RPH3AL: variants seen among roughly 807,000 people sequenced by gnomAD.
The protein encoded by RPH3AL is rabphilin 3A like (without C2 domains).
RPH3AL carries 38 observed loss-of-function variants against 43.1 expected under a neutral mutation model. The observed-to-expected ratio is 0.88, with a 90% confidence interval of 0.68 to 1.15. The LOEUF (loss-of-function observed/expected upper bound fraction) is 1.15. Among genes scored for constraint, RPH3AL ranks in the 50% most tolerant of loss-of-function variants. RPH3AL has a pLI of 0.00. For synonymous variants in RPH3AL, 189 were observed against 176.3 expected (o/e 1.07, Z -0.57); for missense variants, 462 against 423.2 (o/e 1.09, Z -0.81).
intron 6 of RPH3AL, among the ~76,000 whole-genome samples, chr17:271,219 A>G (rs1023214771): frequency 1.3e-5 from 2 of 152,212 alleles, no homozygotes; most frequent in African/African-American, 2.4e-5. Context: ...TGATGCCTCC[A>G]GCTTTGTTCT....
At chr17:247,025 G>A in intron 7 of RPH3AL, 86 bp downstream of exon 7, 4 of 1,429,832 alleles carry the variant, frequency 2.8e-6, no homozygotes, top group Non-Finnish European at 2.9e-6. Context: ...GGGTGCGGGG[G>A]ACTGGCCTTG....
At chr17:257,612 T>G (rs538728231) in intron 6 of RPH3AL, among the ~76,000 whole-genome samples, 2 of 39,010 alleles carry the variant, frequency 5.1e-5, no homozygotes, top group South Asian at 1.6e-3. Flanking sequence ...CGTCTGTCCT[T>G]TTCCATCCCT....
rs201388907 is a variant in RPH3AL at position 247,200 on chromosome 17, G to A, written c.524C>T (p.Pro175Leu). Residue 175 changes from proline to leucine, a missense_variant, in exon 7 of 10, where the codon CCC (proline) becomes CTC (leucine). Physicochemically the swap from Pro to Leu is moderately conservative, Grantham distance 98. Coordinates refer to ENST00000331302, the MANE Select transcript of RPH3AL (RefSeq NM_006987.4). ...TTCCGTGGGCAAAGGTCGGAAGTGG[G>A]GGTCATCAGCTCGGCCAGGGGTCTT... ...PLKTPGRADD[P>L]HFRPLPTEPA... The A allele has an allele frequency of 3.8e-4, 608 of 1,614,066 alleles. 2 individuals carry two copies. Among genetic ancestry groups the A allele is most frequent in the Non-Finnish European group, 4.5e-4 (532 of 1,179,970 alleles).
At chr17:304,783 C>T (rs145598277) in intron 5 of RPH3AL, among the ~76,000 whole-genome samples, 1,638 of 151,930 alleles carry the variant, frequency 0.011, 20 homozygotes, top group Non-Finnish European at 0.018. Flanking sequence ...CCCTGCCCCA[C>T]GGAGCCATTT....
chr17:282,795 G>A (rs150956508), intron 5 of RPH3AL, among the ~76,000 whole-genome samples: 39 of 152,322 alleles, frequency 2.6e-4, no homozygotes, highest in African/African-American at 8.9e-4. Context: ...AAACCTGAAC[G>A]ACATGTTACT....
chr17:233,930 CCTG>C (rs2041295022), intron 7 of RPH3AL, among the ~76,000 whole-genome samples: 1 of 115,372 alleles, frequency 8.7e-6, no homozygotes, highest in Non-Finnish European at 1.9e-5. Context: ...GACCAACTTC[CCTG>C]AGCAGGGAGC....
At chr17:239,880 T>G (rs1456603794) in intron 7 of RPH3AL, among the ~76,000 whole-genome samples, 2 of 152,218 alleles carry the variant, frequency 1.3e-5, no homozygotes, top group Non-Finnish European at 2.9e-5. Context: ...CCTCCTGACT[T>G]GGCCTCCCAA....
At chr17:307,266 CA>C (rs1448167763) in intron 5 of RPH3AL, among the ~76,000 whole-genome samples, 34 of 108,534 alleles carry the variant, frequency 3.1e-4, no homozygotes, top group African/African-American at 1.3e-3. Context: ...AGGTCCATCC[CA>C]CGGCAGGTCC....
chr17:293,892 G>A (rs922967321), intron 5 of RPH3AL, among the ~76,000 whole-genome samples: 2 of 152,072 alleles, frequency 1.3e-5, no homozygotes, highest in Non-Finnish European at 2.9e-5. Flanking sequence ...AGCCGGGCGC[G>A]GTGGTACTCA....
chr17:270,995 G>C (rs1301598013), intron 6 of RPH3AL, among the ~76,000 whole-genome samples: 2 of 152,130 alleles, frequency 1.3e-5, no homozygotes, highest in Non-Finnish European at 2.9e-5. Flanking sequence ...TCCACGTATG[G>C]CTAGCCAGTT....
chr17:270,860 T>G (rs1250160114), intron 6 of RPH3AL, among the ~76,000 whole-genome samples: 1 of 152,210 alleles, frequency 6.6e-6, no homozygotes, highest in South Asian at 2.1e-4. Context: ...CATGCCTATG[T>G]CCTGAATGGT....
chr17:284,660 C>T (rs1251805448), intron 5 of RPH3AL, among the ~76,000 whole-genome samples: 2 of 152,112 alleles, frequency 1.3e-5, no homozygotes, highest in African/African-American at 4.8e-5. Flanking sequence ...CCCACAGGTG[C>T]CCTCGCAGCC....
intron 1 of RPH3AL, chr17:349,305 CT>C (rs2045309205): frequency 6.6e-6 from 1 of 152,154 alleles, no homozygotes; most frequent in Non-Finnish European, 1.5e-5. Flanking sequence ...CTGGCACCAA[CT>C]TGGGCAGAGC....
At chr17:312,798 G>A (rs1022555746) in intron 5 of RPH3AL, among the ~76,000 whole-genome samples, 2 of 152,168 alleles carry the variant, frequency 1.3e-5, no homozygotes, top group South Asian at 2.1e-4. Context: ...ACGAGACCGC[G>A]CCACCGTGGC....
chr17:233,133 T>C (rs1466269575), intron 7 of RPH3AL, among the ~76,000 whole-genome samples: 1 of 151,198 alleles, frequency 6.6e-6, no homozygotes, highest in Non-Finnish European at 1.5e-5. Context: ...CATGTGCCTG[T>C]CTGTGTGGCA....
intron 6 of RPH3AL, among the ~76,000 whole-genome samples, chr17:265,070 G>A (rs534098379): frequency 1.3e-5 from 2 of 152,318 alleles, no homozygotes; most frequent in South Asian, 2.1e-4. Flanking sequence ...CATACTTTAT[G>A]AGAAGAGGGA....
rs559421179 is a variant in RPH3AL at position 290,637 on chromosome 17, C to G, written c.352-8783G>C. ...CAATGCGACAGAAGGTTCTGCTGGG[C>G]CACTCCAAAGTTCAGGTACTTCATG... is the stretch of plus-strand genomic sequence containing the variant. On this transcript the variant is annotated intron_variant, in intron 5 of 9. Transcript: ENST00000331302. This position sits in a 1 kb window ranked among gnomAD's most constrained non-coding sequence, Gnocchi z 4.2. Among the ~76,000 whole-genome samples, 9 of 152,256 alleles carry G rather than the reference C, an allele frequency of 5.9e-5. No homozygotes were observed. The highest frequency in any genetic ancestry group is 2.0e-4 in the Admixed American group (3 of 15,300).
chr17:285,734 C>T (rs1302516739), intron 5 of RPH3AL, among the ~76,000 whole-genome samples: 1 of 152,208 alleles, frequency 6.6e-6, no homozygotes, highest in Non-Finnish European at 1.5e-5. Flanking sequence ...CAGGACGGCG[C>T]TCGGCCAGAG....
rs1279588263 is a variant in RPH3AL at position 290,693 on chromosome 17, C to T, written c.352-8839G>A. 6.6e-6 allele frequency among the ~76,000 whole-genome samples: 1 copy of T among 152,182 alleles called. No individual in the cohort carries two copies. Among genetic ancestry groups the T allele is most frequent in the East Asian group, 1.9e-4 (1 of 5,182 alleles). ...GCTGGCCTTTGAGTCCTCACCGATC[C>T]ATTTCATGATGAGGAATTCCACCAC... On this transcript the variant is annotated intron_variant, in intron 5 of 9. Coordinates refer to ENST00000331302, the MANE Select transcript of RPH3AL (RefSeq NM_006987.4). This position sits in a 1 kb window ranked among gnomAD's most constrained non-coding sequence, Gnocchi z 4.2.
Sources: gnomAD v4.1 joint callset for allele counts (sites outside exome capture counted in the v4.1 genomes callset) on GRCh38, gnomAD v4.1.1 for gene constraint, Gnocchi (gnomAD v3.1) non-coding constraint, MANE v1.5 for transcripts, NCBI Gene and HGNC (gene_info 2026-07-23, HGNC 2026-07-21) for gene names.